LAMA3: variants seen among roughly 807,000 people sequenced by gnomAD.
LAMA3 encodes laminin subunit alpha-3.
In LAMA3, 281 loss-of-function variants were observed where a neutral mutation model predicts 402.0. That is an observed-to-expected ratio of 0.70 (90% confidence interval 0.63 to 0.77). The LOEUF is 0.77. Ranked by LOEUF, LAMA3 falls within the 30% of genes least tolerant of loss-of-function variation. The pLI is 0.00. For synonymous variants in LAMA3, 1,431 were observed against 1,558.4 expected, an observed-to-expected ratio of 0.92 and a Z score of 1.93; for missense variants, 3,840 against 4,215.5, an observed-to-expected ratio of 0.91 and a Z score of 2.47.
chr18:23,932,121 A>T (rs2082178306), intron 65 of LAMA3, 39 bp from the exon 66 acceptor site: 1 of 1,612,548 alleles, frequency 6.2e-7, no homozygotes. Context: ...CCTTTTTTCC[A>T]GCAGTTCTCA....
At chr18:23,819,667 G>A (rs1439407552) in intron 18 of LAMA3, among the ~76,000 whole-genome samples, 174 bp from the exon 19 acceptor site, 2 of 152,284 alleles carry the variant, frequency 1.3e-5, no homozygotes, top group East Asian at 3.9e-4. Context: ...GAATGTTTAT[G>A]TGAATTAAAG....
intron 67 of LAMA3, among the ~76,000 whole-genome samples, chr18:23,938,668 C>G (rs2082386653): frequency 6.6e-6 from 1 of 151,554 alleles, no homozygotes; most frequent in Non-Finnish European, 1.5e-5. Context: ...CTCGGTGCCG[C>G]TGGCCAAATG....
At chr18:23,885,463 G>T (rs753493265) in intron 41 of LAMA3, among the ~76,000 whole-genome samples, 1 of 151,608 alleles carries the variant, frequency 6.6e-6, no homozygotes, top group Non-Finnish European at 1.5e-5. Context: ...CACATAATAG[G>T]TGTTCGGTAA....
rs201592130 is a variant in LAMA3 at position 23,890,097 on chromosome 18, G to A, written c.5390G>A (p.Ser1797Asn). Residue 1797 changes from serine (S) to asparagine (N), a missense_variant, in exon 42 of 75, where the codon AGC becomes AAC. Coordinates refer to ENST00000313654, the MANE Select transcript of LAMA3 (RefSeq NM_198129.4). Reference sequence around the variant, plus strand: ...TGTAACAGCAATGGCCAGCTGGGCAGCTGTCATCCCCTGACTGGAGGTAAG... The same window carrying A: ...TGTAACAGCAATGGCCAGCTGGGCAACTGTCATCCCCTGACTGGAGGTAAG... The part of the protein sequence containing the change: ...CSCNSNGQLG[S>N]CHPLTGDCIN... The A allele has an allele frequency of 6.2e-7, 1 of 1,613,496 alleles. No homozygotes were observed. The highest frequency in any genetic ancestry group is 2.2e-5 in the East Asian group (1 of 44,890).
chr18:23,890,422 T>C (rs1786307), intron 42 of LAMA3, among the ~76,000 whole-genome samples: 4 of 152,204 alleles, frequency 2.6e-5, no homozygotes, highest in Non-Finnish European at 5.9e-5. Flanking sequence ...GATCCTACTT[T>C]GGTGATTTTG....
At chr18:23,857,405 C>T (rs558444135) in intron 32 of LAMA3, among the ~76,000 whole-genome samples, 12 of 152,338 alleles carry the variant, frequency 7.9e-5, no homozygotes, top group African/African-American at 2.6e-4. Context: ...GTCTGGAATG[C>T]GCATCCCAAC....
intron 46 of LAMA3, 68 bp downstream of exon 46, chr18:23,899,133 A>G (rs1377552616): frequency 6.0e-6 from 8 of 1,329,438 alleles, no homozygotes; most frequent in Non-Finnish European, 8.6e-6. Context: ...CACTAAAAGA[A>G]TTCCCTTTAA....
At position 23,914,545 on chromosome 18, in the gene LAMA3, C is replaced by T. The variant is rs147463397; in HGVS notation, c.7465C>T (p.Arg2489Trp). The T allele has an allele frequency of 9.2e-5, 148 of 1,613,950 alleles. No individual in the cohort carries two copies. The highest frequency in any genetic ancestry group is 3.3e-4 in the Middle Eastern group (2 of 6,084). The change falls in exon 57 of 75, where the codon CGG becomes TGG. Residue 2489 changes from arginine to tryptophan, a missense_variant. Around this residue, in one of 3 missense-constraint regions of LAMA3, gnomAD observed 891 missense variants for 857.5 expected, o/e 1.04. Transcript: ENST00000313654. ...KSETKEAVMD[R>W]VKFQRIYQFA... ...TGAGACTAAGGAGGCAGTTATGGAT[C>T]GGGTGAAATTTCAGAGGTACAAGTC...
At position 23,822,296 on chromosome 18, in the gene LAMA3, C is replaced by A; in HGVS notation, c.2349C>A (p.Ser783=). Residue 783 remains serine, a synonymous_variant, in exon 20 of 75, where the codon TCC becomes TCA. Coordinates refer to ENST00000313654, the MANE Select transcript of LAMA3 (RefSeq NM_198129.4). ...ITLNVGKSSG[S]LFRVILRYVN... ...TGAATGTAGGGAAGTCAAGTGGCTC[C>A]TTGTTTCGTGTTATTCTGAGATACG... 6.2e-7 allele frequency: 1 copy of A among 1,613,704 alleles called. No individual in the cohort carries two copies. Among genetic ancestry groups the A allele is most frequent in the South Asian group, 1.1e-5 (1 of 91,056 alleles).
At chr18:23,696,546 G>A (rs1272358866) in intron 1 of LAMA3, among the ~76,000 whole-genome samples, 1 of 152,114 alleles carries the variant, frequency 6.6e-6, no homozygotes, top group African/African-American at 2.4e-5. Flanking sequence ...TGTGGCCCAG[G>A]TTGGTGTGCA....
chr18:23,907,639 C>T lies in LAMA3; in HGVS notation c.6808C>T (p.Arg2270Ter), dbSNP rs137852757. Reference protein sequence around the residue: ...EVIDTNLTTLRDGLHGIQRGD... With the variant: ...EVIDTNLTTL ...GATAGACACCAATCTCACAACTCTC[C>T]GAGATGGTCTTCATGGGATACAGAG... is the stretch of plus-strand genomic sequence containing the variant. The change falls in exon 53 of 75, where the codon CGA becomes TGA. Residue 2270 changes from arginine to a stop codon, truncating the protein, a stop_gained. Transcript: ENST00000313654. LOFTEE classifies it high-confidence loss of function. 1.7e-5 allele frequency: 28 copies of T among 1,613,150 alleles called. No homozygotes were observed. The highest frequency in any genetic ancestry group is 2.0e-5 in the Non-Finnish European group (23 of 1,179,204).
chr18:23,911,910 A>G (rs2081438262), intron 55 of LAMA3, among the ~76,000 whole-genome samples: 1 of 146,026 alleles, frequency 6.8e-6, no homozygotes, highest in Admixed American at 6.9e-5. Context: ...ATAATTATAT[A>G]TGCATTTTAA....
chr18:23,890,216 C>T, intron 42 of LAMA3, 99 bp downstream of exon 42: 1 of 797,744 alleles, frequency 1.3e-6, no homozygotes, highest in South Asian at 1.4e-5. Context: ...GCATAATACA[C>T]AATTCCAGCC....
chr18:23,944,853 G>A (rs574767571), intron 69 of LAMA3, among the ~76,000 whole-genome samples: 30 of 152,340 alleles, frequency 2.0e-4, no homozygotes, highest in Non-Finnish European at 3.2e-4. Flanking sequence ...TAAAACTCTT[G>A]GCCAGGCGCG....
At chr18:23,837,239 T>C in intron 25 of LAMA3, 150 bp downstream of exon 25, 1 of 665,134 alleles carries the variant, frequency 1.5e-6, no homozygotes, top group South Asian at 1.6e-5. Context: ...ATCTAGAACC[T>C]GACTTGCCTC....
chr18:23,890,252 T>G (rs1355784121), intron 42 of LAMA3, 135 bp downstream of exon 42: 4 of 703,420 alleles, frequency 5.7e-6, no homozygotes, highest in Non-Finnish European at 1.0e-5. Flanking sequence ...GGATGCATAA[T>G]ACACAATTCC....
chr18:23,784,077 G>C lies in LAMA3; in HGVS notation c.1523G>C (p.Arg508Pro). 1.2e-6 allele frequency: 2 copies of C among 1,614,126 alleles called. No individual in the cohort carries two copies. Among genetic ancestry groups the C allele is most frequent in the Non-Finnish European group, 1.7e-6 (2 of 1,180,020 alleles). ...VLPEICDAHG[R>P]CLCRPGVEGP... ...CCTGAAATATGTGATGCCCACGGAC[G>C]GTGCCTGTGCCGCCCTGGGGTTGAG... Residue 508 changes from arginine to proline, a missense_variant, in exon 12 of 75, where the codon CGG becomes CCG. By Grantham distance (103) the Arg-to-Pro change is moderately radical (BLOSUM62 -2). Coordinates refer to ENST00000313654, the MANE Select transcript of LAMA3 (RefSeq NM_198129.4).
At chr18:23,845,659 G>A (rs2063797764) in intron 30 of LAMA3, among the ~76,000 whole-genome samples, 1 of 152,166 alleles carries the variant, frequency 6.6e-6, no homozygotes, top group South Asian at 2.1e-4. Context: ...GATTCCTGAA[G>A]AGCCCAGGTA....
intron 48 of LAMA3, among the ~76,000 whole-genome samples, chr18:23,901,604 A>G (rs1251436239): frequency 2.6e-5 from 4 of 152,254 alleles, no homozygotes; most frequent in African/African-American, 9.6e-5. Context: ...AATGTTGCCA[A>G]ATAGATGAGA....
Sources: allele counts gnomAD v4.1 joint callset (sites outside exome capture counted in the v4.1 genomes callset), GRCh38; gene constraint gnomAD v4.1.1; regional missense constraint gnomAD v4.1.1; transcripts MANE v1.5; gene names NCBI Gene and HGNC (gene_info 2026-07-23, HGNC 2026-07-21).